The following PGRMC1 variants were observed in gnomAD, a reference collection of about 807,000 sequenced individuals.
PGRMC1 encodes the protein progesterone receptor membrane component 1, also known as membrane-associated progesterone receptor component 1.
For missense variants in PGRMC1, 145 were observed against 169.0 expected, an observed-to-expected ratio of 0.86 and a Z score of 0.79; for synonymous variants, 73 against 77.3, an observed-to-expected ratio of 0.94 and a Z score of 0.29.
intron 1 of PGRMC1, among the ~76,000 whole-genome samples, chrX:119,238,420 T>TA (rs1488037753): frequency 8.9e-6 from 1 of 112,018 alleles, no homozygotes; most frequent in Admixed American, 9.4e-5. Flanking sequence ...GAAAACCACA[T>TA]ACATTATTTG....
chrX:119,239,138 A>G (rs1489016726), intron 1 of PGRMC1, among the ~76,000 whole-genome samples: 2 of 112,137 alleles, frequency 1.8e-5, no homozygotes, highest in Non-Finnish European at 3.8e-5. Context: ...AAACCATTGC[A>G]TTTGCCTATT....
In PGRMC1 at chrX:119,243,430, T is replaced by C. The variant is rs1930867055; in HGVS notation, c.*176T>C. The C allele has an allele frequency of 1.1e-5, 5 of 457,931 alleles. No homozygotes were observed. The highest frequency in any genetic ancestry group is 1.6e-5 in the Non-Finnish European group (4 of 256,499). 37.7% of individuals were successfully genotyped at this position (457,931 alleles called of 1,213,427 possible). A position where few individuals can be genotyped will look rare whatever the true frequency, so the allele number is the denominator to read the frequency against. Reference sequence around the variant, plus strand: ...AATTAACTTCTTAGAATGCATGATGTGTTTGTGTGTCACAAATCCAGAAAG... The same window carrying C: ...AATTAACTTCTTAGAATGCATGATGCGTTTGTGTGTCACAAATCCAGAAAG... On this transcript the variant is annotated 3_prime_UTR_variant, in exon 3 of 3. Coordinates refer to ENST00000217971, the MANE Select transcript of PGRMC1 (RefSeq NM_006667.5).
At chrX:119,240,247 G>A in intron 1 of PGRMC1, 62 bp from the exon 2 acceptor site, 5 of 1,102,394 alleles carry the variant, frequency 4.5e-6, no homozygotes, top group African/African-American at 3.6e-5. Flanking sequence ...CATTTTCTGT[G>A]TATAAATCAC....
chrX:119,242,833 G>C (rs768149384), intron 2 of PGRMC1, among the ~76,000 whole-genome samples: 8 of 110,308 alleles, frequency 7.3e-5, no homozygotes, highest in Non-Finnish European at 1.3e-4. Flanking sequence ...CTTCCATGAA[G>C]TATTCTGTAA....
intron 1 of PGRMC1, among the ~76,000 whole-genome samples, chrX:119,239,778 T>G (rs1930776101): frequency 8.9e-6 from 1 of 112,331 alleles, no homozygotes; most frequent in Non-Finnish European, 1.9e-5. Flanking sequence ...ATAAAATGGT[T>G]CTTCTGCAGA....
At chrX:119,236,834 A>G (rs936869753) in intron 1 of PGRMC1, 143 bp downstream of exon 1, 30 of 470,470 alleles carry the variant, frequency 6.4e-5, no homozygotes, top group Non-Finnish European at 9.6e-5. Context: ...GTAGGCGGGC[A>G]GGCGGAGAGC....
intron 1 of PGRMC1, 147 bp downstream of exon 1, chrX:119,236,838 G>A: frequency 2.0e-6 from 1 of 503,874 alleles, no homozygotes; most frequent in Non-Finnish European, 3.2e-6. Context: ...GCGGGCAGGC[G>A]GAGAGCCGGG....
chrX:119,240,268 A>ACTGT, intron 1 of PGRMC1, 41 bp from the exon 2 acceptor site: 2 of 1,177,408 alleles, frequency 1.7e-6, no homozygotes, highest in Non-Finnish European at 2.3e-6. Context: ...AGAGAAATTG[A>ACTGT]CTGTCTAATA....
chrX:119,236,987 G>C (rs2147229243), intron 1 of PGRMC1, among the ~76,000 whole-genome samples: 1 of 112,022 alleles, frequency 8.9e-6, no homozygotes, highest in East Asian at 2.9e-4. Context: ...CCGGGGGTGG[G>C]TGGGACCACG....
rs145582672 is a variant in PGRMC1 at position 119,236,526 on chromosome X, G to A, written c.163G>A (p.Gly55Ser). Residue 55 changes from glycine (G) to serine (S), a missense_variant, in exon 1 of 3, where the codon GGC becomes AGC. Coordinates refer to ENST00000217971, the MANE Select transcript of PGRMC1 (RefSeq NM_006667.5). ...GCGCGGGGACCAGCCGGCGGCCAGC[G>A]GCGACAGCGACGACGACGAGCCGCC... ...IVRGDQPAASGDSDDDEPPPL... is the reference protein window; with the variant it reads ...IVRGDQPAASSDSDDDEPPPL... 3.2e-4 allele frequency: 389 copies of A among 1,208,489 alleles called. 1 individual carries two copies. The highest frequency in any genetic ancestry group is 2.8e-4 in the Non-Finnish European group (251 of 894,518).
At position 119,244,378 on chromosome X, in the gene PGRMC1, T is replaced by C. The variant is rs1450872846; in HGVS notation, c.*1124T>C. 1 of 112,705 alleles carries C rather than the reference T, an allele frequency of 8.9e-6. No individual in the cohort carries two copies. The highest frequency in any genetic ancestry group is 3.2e-5 in the African/African-American group (1 of 30,893). The allele number at this position is 112,705 out of a possible 1,213,427, so 9.3% of individuals were successfully genotyped here. On this transcript the variant is annotated 3_prime_UTR_variant, in exon 3 of 3. Coordinates refer to ENST00000217971, the MANE Select transcript of PGRMC1 (RefSeq NM_006667.5). ...TTGTGGTTAAATAGTCATTGTATTT[T>C]CTTGTGAACTGTGTTTTATGATTTT...
At chrX:119,241,103 C>G (rs1281191530) in intron 2 of PGRMC1, among the ~76,000 whole-genome samples, 1 of 112,318 alleles carries the variant, frequency 8.9e-6, no homozygotes, top group Non-Finnish European at 1.9e-5. Flanking sequence ...TCAAATCTAA[C>G]TGTTTAATTG....
rs765688727 is a variant in PGRMC1, at chrX:119,240,289, C to T, written c.329-20C>T. 1.7e-6 allele frequency: 2 copies of T among 1,204,648 alleles called. No individual in the cohort carries two copies. The highest frequency in any genetic ancestry group is 2.2e-6 in the Non-Finnish European group (2 of 889,743). On this transcript the variant is annotated intron_variant, in intron 1 of 2. Transcript: ENST00000217971. Reference sequence around the variant, plus strand: ...ATTGACTGTCTAATAAAGAATTGATCTTTGGTTTTGTTTTTGAAGAGGGGC... The same window carrying T: ...ATTGACTGTCTAATAAAGAATTGATTTTTGGTTTTGTTTTTGAAGAGGGGC...
intron 1 of PGRMC1, 23 bp from the exon 2 acceptor site, chrX:119,240,286 G>A (rs201014830): frequency 1.2e-4 from 140 of 1,201,453 alleles, no homozygotes; most frequent in Middle Eastern, 2.5e-4. Flanking sequence ...ATAAAGAATT[G>A]ATCTTTGGTT....
intron 2 of PGRMC1, among the ~76,000 whole-genome samples, chrX:119,242,742 G>C (rs761916568): frequency 8.9e-6 from 1 of 111,774 alleles, no homozygotes; most frequent in African/African-American, 3.2e-5. Flanking sequence ...TGTCTCACCT[G>C]TATGCATTTG....
intron 2 of PGRMC1, among the ~76,000 whole-genome samples, chrX:119,240,785 A>G (rs1930800042): frequency 8.9e-6 from 1 of 111,869 alleles, no homozygotes; most frequent in Non-Finnish European, 1.9e-5. Context: ...CATCTTGGCT[A>G]CAGAAAGGGA....
intron 1 of PGRMC1, among the ~76,000 whole-genome samples, chrX:119,237,242 C>G (rs1214982359): frequency 1.8e-5 from 2 of 110,780 alleles, no homozygotes; most frequent in Non-Finnish European, 3.8e-5. Flanking sequence ...GAGAAAACGC[C>G]GAGACGGGAT....
At chrX:119,237,309 G>A (rs149416336) in intron 1 of PGRMC1, among the ~76,000 whole-genome samples, 242 of 110,792 alleles carry the variant, frequency 2.2e-3, no homozygotes, top group African/African-American at 7.4e-3. Context: ...TGCACTCGTG[G>A]TGTGTGCATG....
intron 1 of PGRMC1, among the ~76,000 whole-genome samples, chrX:119,236,893 T>C (rs906215456): frequency 1.1e-4 from 12 of 111,374 alleles, no homozygotes; most frequent in African/African-American, 3.6e-4. Flanking sequence ...CTAGAGGGGC[T>C]GCGGGCCAGT....
Sources: allele counts gnomAD v4.1 joint callset (sites outside exome capture counted in the v4.1 genomes callset), GRCh38; gene constraint gnomAD v4.1.1; transcripts MANE v1.5; gene names NCBI Gene and HGNC (gene_info 2026-07-23, HGNC 2026-07-21).